AGK: variants seen among roughly 807,000 people sequenced by gnomAD.
AGK encodes the protein acylglycerol kinase.
Under a neutral mutation model 66.4 loss-of-function variants are expected in AGK, and 52 were observed. The observed-to-expected ratio is 0.78, with a 90% CI of 0.63 to 0.99. The LOEUF is 0.99. Ranked by LOEUF, AGK falls within the 50% of genes least tolerant of loss-of-function variation. The pLI, the probability that AGK is intolerant of heterozygous loss-of-function variation, is 0.00. For synonymous variants in AGK, 182 were observed against 181.1 expected (o/e 1.00, Z -0.04); for missense variants, 451 against 506.6 (o/e 0.89, Z 1.05).
intron 2 of AGK, among the ~76,000 whole-genome samples, chr7:141,584,853 T>C (rs781458770): frequency 3.3e-5 from 5 of 152,210 alleles, no homozygotes; most frequent in Non-Finnish European, 7.3e-5. Flanking sequence ...CTAAGGGGCA[T>C]TGAAATGAAG....
intron 3 of AGK, chr7:141,593,991 G>A (rs948664590): frequency 1.3e-5 from 2 of 152,562 alleles, no homozygotes; most frequent in Admixed American, 6.5e-5. Context: ...TTTAGCGATT[G>A]TTACAATAGA....
In AGK at chr7:141,598,707, C is replaced by A. The variant is rs951032647; in HGVS notation, c.221+2066C>A. Reference sequence around the variant, plus strand: ...GTTAGGTTCAGAACAGTCTTCACTTCGCTATCCCATCCTTCCCAGAAGCTC... The same window carrying A: ...GTTAGGTTCAGAACAGTCTTCACTTAGCTATCCCATCCTTCCCAGAAGCTC... On this transcript the variant is annotated intron_variant, in intron 4 of 15. Coordinates refer to ENST00000649286, the MANE Select transcript of AGK (RefSeq NM_018238.4). The surrounding 1 kb of genome is among the most constrained non-coding windows in gnomAD (Gnocchi z 4.2). 6.6e-6 allele frequency among the ~76,000 whole-genome samples: 1 copy of A among 152,180 alleles called. No individual in the cohort carries two copies. The highest frequency in any genetic ancestry group is 2.4e-5 in the African/African-American group (1 of 41,446).
chr7:141,640,765 G>A (rs982477353), intron 11 of AGK, among the ~76,000 whole-genome samples: 3 of 152,176 alleles, frequency 2.0e-5, no homozygotes, highest in African/African-American at 7.2e-5. Context: ...AAAAATTAGA[G>A]TGTGAGGGTG....
At chr7:141,627,179 C>T (rs998591790) in intron 9 of AGK, among the ~76,000 whole-genome samples, 2 of 152,136 alleles carry the variant, frequency 1.3e-5, no homozygotes, top group Admixed American at 1.3e-4. Flanking sequence ...TAGCTGTTGT[C>T]AATTCTTGAT....
At chr7:141,596,886 A>T in intron 4 of AGK, 1 of 471,092 alleles carries the variant, frequency 2.1e-6, no homozygotes, top group South Asian at 3.1e-5. Context: ...ACCTACAAAG[A>T]TGTCTTATTT....
In AGK at chr7:141,653,162, C is replaced by T. The variant is rs1277341829; in HGVS notation, c.*238C>T. 12 of 477,930 alleles carry T rather than the reference C, an allele frequency of 2.5e-5. No individual in the cohort carries two copies. Among genetic ancestry groups the T allele is most frequent in the African/African-American group, 1.7e-4 (9 of 51,760 alleles). 29.6% of individuals were successfully genotyped at this position (477,930 alleles called of 1,614,324 possible). ...GTGTGACGGTTGGCCCTCCTAAACA[C>T]GGACTTTCCTCAGGCTGGTTCAAGA... is the stretch of plus-strand genomic sequence containing the variant. On this transcript the variant is annotated 3_prime_UTR_variant, in exon 16 of 16. Transcript: ENST00000649286.
chr7:141,558,406 C>A (rs1795262803), intron 2 of AGK, among the ~76,000 whole-genome samples: 1 of 151,532 alleles, frequency 6.6e-6, no homozygotes, highest in African/African-American at 2.4e-5. Flanking sequence ...CTCAGGTGAT[C>A]TGCCCGCCTT....
At chr7:141,650,460 C>CTGG in intron 14 of AGK, 1 of 977,128 alleles carries the variant, frequency 1.0e-6, no homozygotes, top group Non-Finnish European at 1.2e-6. Context: ...CAGTGTCCTT[C>CTGG]TGTTCTCTAC....
chr7:141,554,290 T>G (rs1013431140), intron 1 of AGK, among the ~76,000 whole-genome samples: 1 of 150,802 alleles, frequency 6.6e-6, no homozygotes, highest in Non-Finnish European at 1.5e-5. Context: ...TAGTGAGCTA[T>G]GATTGTGCCA....
intron 2 of AGK, among the ~76,000 whole-genome samples, chr7:141,592,359 A>C (rs999989616): frequency 2.0e-5 from 3 of 152,204 alleles, no homozygotes; most frequent in African/African-American, 4.8e-5. Context: ...CCATCTTCGC[A>C]GCTGGCAAAG....
At chr7:141,607,885 T>C (rs992202810) in intron 5 of AGK, among the ~76,000 whole-genome samples, 11 of 152,160 alleles carry the variant, frequency 7.2e-5, no homozygotes, top group Non-Finnish European at 1.6e-4. Flanking sequence ...TTGGGATTTT[T>C]TTTCTAAGAT....
intron 5 of AGK, among the ~76,000 whole-genome samples, chr7:141,607,550 T>C (rs924002959): frequency 2.3e-4 from 35 of 152,304 alleles, no homozygotes; most frequent in Middle Eastern, 3.4e-3. Flanking sequence ...CTGTTTGCTA[T>C]GCATTTTGCA....
intron 2 of AGK, among the ~76,000 whole-genome samples, chr7:141,575,124 T>C (rs1236023334): frequency 6.6e-6 from 1 of 152,226 alleles, no homozygotes; most frequent in Non-Finnish European, 1.5e-5. Context: ...GTGACGTAAG[T>C]GTGGCATTTG....
intron 2 of AGK, among the ~76,000 whole-genome samples, chr7:141,571,911 C>T (rs1795616767): frequency 6.6e-6 from 1 of 152,112 alleles, no homozygotes; most frequent in African/African-American, 2.4e-5. Context: ...TTAGTCTTTT[C>T]CCTCCTCATC....
In AGK at chr7:141,593,175, A is replaced by G. The variant is rs1285131488; in HGVS notation, c.131A>G (p.Gln44Arg). The part of the protein sequence containing the change: ...CDNLLRRAAC[Q>R]EAQVFGNQLI... ...AACCTCCTAAGGAGAGCAGCCTGTC[A>G]AGAAGCTCAGGTAATACTACTTAAT... is the stretch of plus-strand genomic sequence containing the variant. Residue 44 changes from glutamine (Q) to arginine (R), a missense_variant, in exon 3 of 16, where the codon CAA (glutamine) becomes CGA (arginine). Transcript: ENST00000649286. 2 of 1,612,406 alleles carry G rather than the reference A, an allele frequency of 1.2e-6. No individual in the cohort carries two copies. The highest frequency in any genetic ancestry group is 2.2e-5 in the South Asian group (2 of 91,008).
chr7:141,614,181 G>T lies in AGK; in HGVS notation c.423+3G>T. ...GTGTTCTTCGACGAACAGATGAGGT[G>T]AGCATTAAAGAGTAATTGCATTTTA... On this transcript the variant is annotated splice_donor_region_variant and intron_variant, in intron 7 of 15. Coordinates refer to ENST00000649286, the MANE Select transcript of AGK (RefSeq NM_018238.4). 1 of 1,512,666 alleles carries T rather than the reference G, an allele frequency of 6.6e-7. No individual in the cohort carries two copies. The highest frequency in any genetic ancestry group is 1.3e-5 in the South Asian group (1 of 78,768). The allele number at this position is 1,512,666 out of a possible 1,614,324, so 93.7% of individuals were successfully genotyped here. A position where few individuals can be genotyped will look rare whatever the true frequency, so the allele number is the denominator to read the frequency against.
At chr7:141,561,567 T>C (rs1795352804) in intron 2 of AGK, among the ~76,000 whole-genome samples, 2 of 152,166 alleles carry the variant, frequency 1.3e-5, no homozygotes, top group Non-Finnish European at 2.9e-5. Context: ...CTGTATATCT[T>C]TTGAGAATTG....
intron 10 of AGK, among the ~76,000 whole-genome samples, chr7:141,635,430 A>G (rs904450977): frequency 6.6e-6 from 1 of 152,220 alleles, no homozygotes; most frequent in African/African-American, 2.4e-5. Flanking sequence ...TACTTGGCTA[A>G]CTAGGGAAAG....
rs1250479909 is a variant in AGK at position 141,583,501 on chromosome 7, G to GC, written c.102-9639dup. ...CGAAGAGAAGGGGTGGGCGGTGCTT[G>GC]CCCCCCAGGAAAGTGGAGAGAAAAG... is the stretch of plus-strand genomic sequence containing the variant. On this transcript the variant is annotated intron_variant, in intron 2 of 15. Transcript: ENST00000649286. Among the ~76,000 whole-genome samples, 9 of 147,884 alleles carry GC rather than the reference G, an allele frequency of 6.1e-5. 1 individual carries two copies. The highest frequency in any genetic ancestry group is 2.3e-4 in the African/African-American group (9 of 39,582).
Sources: allele counts gnomAD v4.1 joint callset (sites outside exome capture counted in the v4.1 genomes callset), GRCh38; gene constraint gnomAD v4.1.1; non-coding constraint Gnocchi (gnomAD v3.1); transcripts MANE v1.5; gene names NCBI Gene and HGNC (gene_info 2026-07-23, HGNC 2026-07-21).